DIS3L2: variants seen among roughly 807,000 people sequenced by gnomAD.
The protein encoded by DIS3L2 is DIS3-like exonuclease 2.
Under a neutral mutation model 97.5 loss-of-function variants are expected in DIS3L2, and 34 were observed. The ratio of observed to expected loss-of-function variants is 0.35; its 90% CI spans 0.27 to 0.46. The LOEUF is 0.46. Among genes scored for constraint, DIS3L2 ranks in the 20% least tolerant of loss-of-function variants. The pLI is 1.00. For missense variants in DIS3L2, 1,038 were observed against 1,146.0 expected (o/e 0.91, Z 1.36); for synonymous variants, 435 against 445.2 (o/e 0.98, Z 0.29).
chr2:232,132,641 C>G (rs978255075), intron 7 of DIS3L2, among the ~76,000 whole-genome samples: 6 of 152,178 alleles, frequency 3.9e-5, no homozygotes, highest in Non-Finnish European at 2.9e-5. Flanking sequence ...TAGACTAATT[C>G]TCACCCATAT....
intron 9 of DIS3L2, among the ~76,000 whole-genome samples, chr2:232,169,273 CA>C (rs1241674357): frequency 7.2e-5 from 11 of 152,160 alleles, no homozygotes; most frequent in Admixed American, 6.5e-4. Flanking sequence ...CTAATAAAAT[CA>C]AACCTTTTTC....
At chr2:232,032,259 A>G (rs979029002) in intron 5 of DIS3L2, among the ~76,000 whole-genome samples, 2 of 152,222 alleles carry the variant, frequency 1.3e-5, no homozygotes, top group Non-Finnish European at 2.9e-5. Flanking sequence ...TCTAATGACC[A>G]GTGTTGATGA....
At chr2:232,240,059 C>T (rs1364877004) in intron 11 of DIS3L2, among the ~76,000 whole-genome samples, 1 of 152,228 alleles carries the variant, frequency 6.6e-6, no homozygotes, top group African/African-American at 2.4e-5. Flanking sequence ...AGACCCTTTG[C>T]TCCTGCTACA....
At chr2:232,288,646 T>G (rs910694354) in intron 13 of DIS3L2, among the ~76,000 whole-genome samples, 4 of 152,242 alleles carry the variant, frequency 2.6e-5, no homozygotes, top group African/African-American at 9.6e-5. Context: ...AAGATCATTC[T>G]GTTCTCTGCT....
intron 7 of DIS3L2, chr2:232,130,959 T>G: frequency 2.1e-6 from 1 of 472,314 alleles, no homozygotes; most frequent in Non-Finnish European, 3.6e-6. Context: ...TTGATTGGAG[T>G]TCTGTGTTAT....
intron 17 of DIS3L2, 33 bp from the exon 18 acceptor site, chr2:232,334,336 C>G: frequency 6.2e-7 from 1 of 1,609,148 alleles, no homozygotes; most frequent in Non-Finnish European, 8.5e-7. Flanking sequence ...GCCCCCCAGG[C>G]TCCCACTCTC....
chr2:232,011,444 C>T (rs540928182), intron 1 of DIS3L2, among the ~76,000 whole-genome samples: 3 of 151,926 alleles, frequency 2.0e-5, no homozygotes, highest in East Asian at 3.9e-4. Flanking sequence ...ACCTCTGCCT[C>T]CCAGGTTCAA....
chr2:232,343,252 C>T, intron 13 of DIS3L2: 1 of 1,065,728 alleles, frequency 9.4e-7, no homozygotes, highest in Non-Finnish European at 1.4e-6. Flanking sequence ...GGAGCTGACG[C>T]AGGCTGAGTA....
chr2:232,339,350 C>T (rs777971967), downstream of DIS3L2, among the ~76,000 whole-genome samples: 1 of 152,272 alleles, frequency 6.6e-6, no homozygotes, highest in East Asian at 1.9e-4. Context: ...AGCGGCTCCA[C>T]CACCCAGCAG....
At chr2:232,225,955 G>A (rs1256741514) in intron 10 of DIS3L2, among the ~76,000 whole-genome samples, 2 of 152,224 alleles carry the variant, frequency 1.3e-5, no homozygotes, top group African/African-American at 4.8e-5. Flanking sequence ...ATTAATATGA[G>A]ATGTCAGAAC....
intron 9 of DIS3L2, among the ~76,000 whole-genome samples, chr2:232,193,595 C>G (rs1691672127): frequency 6.6e-6 from 1 of 152,184 alleles, no homozygotes; most frequent in South Asian, 2.1e-4. Context: ...GTTCAAATTT[C>G]TGCTTCCTCT....
chr2:232,298,524 G>A (rs565488855), intron 13 of DIS3L2, among the ~76,000 whole-genome samples: 7 of 152,148 alleles, frequency 4.6e-5, no homozygotes, highest in Admixed American at 1.3e-4. Flanking sequence ...TGAAGTTCTG[G>A]CTTCATGATG....
intron 1 of DIS3L2, among the ~76,000 whole-genome samples, chr2:231,989,346 TG>T (rs1693517341): frequency 7.2e-6 from 1 of 138,604 alleles, no homozygotes; most frequent in African/African-American, 2.8e-5. Context: ...TAATTGTGTG[TG>T]TGTGTGTGTG....
chr2:232,022,319 T>C lies in DIS3L2; in HGVS notation c.211-1958T>C, dbSNP rs184142064. Among the ~76,000 whole-genome samples the C allele has an allele frequency of 3.9e-5, 6 of 152,278 alleles. No individual in the cohort carries two copies. The East Asian group carries it at 1.2e-3, about 29-fold the overall frequency. Reference sequence around the variant, plus strand: ...TGTGGAACCAGGTTTCTATTCTTCCTTGTGTGCTTTTGTATATATTGGGAA... The same window carrying C: ...TGTGGAACCAGGTTTCTATTCTTCCCTGTGTGCTTTTGTATATATTGGGAA... On this transcript the variant is annotated intron_variant, in intron 3 of 20. Transcript: ENST00000325385.
At position 232,310,302 on chromosome 2, in the gene DIS3L2, A is replaced by T. The variant is rs1354328975; in HGVS notation, c.1739+10183A>T. On this transcript the variant is annotated intron_variant, in intron 14 of 20. Transcript: ENST00000325385. ...CCAGAGAGGTGCCAGGCGTGAGCTCATGGGTGCAAGCCTGCAGCTGTATTG... is the reference window on the plus strand; with the variant it reads ...CCAGAGAGGTGCCAGGCGTGAGCTCTTGGGTGCAAGCCTGCAGCTGTATTG... 1.3e-5 allele frequency among the ~76,000 whole-genome samples: 2 copies of T among 152,202 alleles called. 1 individual carries two copies. Among genetic ancestry groups the T allele is most frequent in the African/African-American group, 4.8e-5 (2 of 41,460 alleles).
At chr2:232,063,151 C>T (rs1334981963) in intron 5 of DIS3L2, among the ~76,000 whole-genome samples, 1 of 152,160 alleles carries the variant, frequency 6.6e-6, no homozygotes, top group African/African-American at 2.4e-5. Context: ...TCCTTGCTCC[C>T]ACCTCCCCAT....
chr2:232,311,529 C>A (rs1036400787), intron 14 of DIS3L2, among the ~76,000 whole-genome samples: 17 of 152,088 alleles, frequency 1.1e-4, no homozygotes, highest in African/African-American at 3.9e-4. Context: ...GGGTATGACA[C>A]CAGCCCGGGC....
chr2:232,100,158 G>C (rs1018656062), intron 6 of DIS3L2, among the ~76,000 whole-genome samples: 2 of 151,242 alleles, frequency 1.3e-5, no homozygotes, highest in African/African-American at 4.9e-5. Flanking sequence ...TGACTAGCTG[G>C]GATTACAGGT....
At chr2:232,189,418 G>A (rs972111055) in intron 9 of DIS3L2, among the ~76,000 whole-genome samples, 3 of 152,164 alleles carry the variant, frequency 2.0e-5, no homozygotes, top group South Asian at 2.1e-4. Flanking sequence ...GTTGATATGC[G>A]CAACAGCTTG....
Sources: gnomAD v4.1 joint callset for allele counts (sites outside exome capture counted in the v4.1 genomes callset) on GRCh38, gnomAD v4.1.1 for gene constraint, MANE v1.5 for transcripts, NCBI Gene and HGNC (gene_info 2026-07-23, HGNC 2026-07-21) for gene names.